Variants in RBFOX1 observed in about 807,000 individuals in gnomAD.
RBFOX1 encodes the protein RNA binding fox-1 homolog 1.
A neutral mutation model predicts 57.7 loss-of-function variants in RBFOX1; 8 were observed. The ratio of observed to expected loss-of-function variants is 0.14; its 90% CI spans 0.08 to 0.25. The LOEUF (loss-of-function observed/expected upper bound fraction) is 0.25. Ranked by LOEUF, RBFOX1 falls within the 10% of genes least tolerant of loss-of-function variation. The pLI is 1.00. For missense variants in RBFOX1, 611 were observed against 548.5 expected (o/e 1.11, Z -1.14); for synonymous variants, 326 against 222.4 (o/e 1.47, Z -4.15).
At chr16:6,848,825 T>A (rs552216863) in intron 3 of RBFOX1, among the ~76,000 whole-genome samples, 2 of 152,260 alleles carry the variant, frequency 1.3e-5, no homozygotes, top group South Asian at 2.1e-4. Context: ...AGCAGGCCAG[T>A]GATTAGTGTC....
At chr16:6,483,194 G>A (rs1597903129) in intron 2 of RBFOX1, 2 of 1,175,182 alleles carry the variant, frequency 1.7e-6, no homozygotes, top group East Asian at 4.7e-5. Context: ...GGCGCGGACA[G>A]AGGCCGAGGC....
intron 4 of RBFOX1, among the ~76,000 whole-genome samples, chr16:7,124,643 C>G (rs1171725793): frequency 6.7e-6 from 1 of 150,042 alleles, no homozygotes; most frequent in African/African-American, 2.5e-5. Context: ...CATGATAGCC[C>G]TCATTTCACA....
chr16:6,659,767 G>A (rs960475004), intron 3 of RBFOX1, among the ~76,000 whole-genome samples: 2 of 152,132 alleles, frequency 1.3e-5, no homozygotes, highest in Non-Finnish European at 2.9e-5. Flanking sequence ...GCCCTTCCGG[G>A]AAGTAGTTGG....
At chr16:5,630,459 A>G (rs1448655119) in intron 3 of RBFOX1, among the ~76,000 whole-genome samples, 1 of 152,016 alleles carries the variant, frequency 6.6e-6, no homozygotes, top group African/African-American at 2.4e-5. Context: ...TCTGTCTCGA[A>G]AAAAAAGAAA....
At chr16:5,931,207 T>C (rs566938709) in intron 4 of RBFOX1, among the ~76,000 whole-genome samples, 1 of 152,254 alleles carries the variant, frequency 6.6e-6, no homozygotes, top group East Asian at 1.9e-4. Flanking sequence ...TCAATCATCC[T>C]ATTGCTCATG....
At chr16:6,989,471 T>C (rs560691912) in intron 3 of RBFOX1, among the ~76,000 whole-genome samples, 3 of 152,206 alleles carry the variant, frequency 2.0e-5, no homozygotes, top group African/African-American at 4.8e-5. Context: ...TAAGTTAATA[T>C]CATCCTCTGT....
chr16:6,416,521 T>A lies in RBFOX1; in HGVS notation c.-64+99464T>A, dbSNP rs1051342133. Among the ~76,000 whole-genome samples, 3 of 152,038 alleles carry A rather than the reference T, an allele frequency of 2.0e-5. 1 individual carries two copies. The highest frequency in any genetic ancestry group is 4.4e-5 in the Non-Finnish European group (3 of 68,018). ...ATTTTTCTTTTTTTACTGAAAGAGA[T>A]TGTATTAATGAGGAAAGAGGAGAAA... is the stretch of plus-strand genomic sequence containing the variant. On this transcript the variant is annotated intron_variant, in intron 2 of 15. Coordinates refer to ENST00000550418, the MANE Select transcript of RBFOX1 (RefSeq NM_018723.4).
intron 2 of RBFOX1, among the ~76,000 whole-genome samples, chr16:6,508,474 A>G (rs909300175): frequency 3.9e-5 from 6 of 152,202 alleles, no homozygotes; most frequent in African/African-American, 4.8e-5. Context: ...TCAAAAAACC[A>G]AAAAGAAAAC....
intron 4 of RBFOX1, among the ~76,000 whole-genome samples, chr16:7,080,059 T>TG (rs1555455774): frequency 7.4e-6 from 1 of 135,244 alleles, no homozygotes. Flanking sequence ...TATATACATA[T>TG]TATATATATA....
At chr16:6,441,958 A>T (rs2094392359) in intron 2 of RBFOX1, among the ~76,000 whole-genome samples, 1 of 152,140 alleles carries the variant, frequency 6.6e-6, no homozygotes, top group Non-Finnish European at 1.5e-5. Flanking sequence ...TCCTAGCAAG[A>T]TATTATGGAA....
At chr16:6,227,966 A>G (rs546789295) in intron 1 of RBFOX1, among the ~76,000 whole-genome samples, 5 of 152,166 alleles carry the variant, frequency 3.3e-5, no homozygotes, top group Non-Finnish European at 7.3e-5. Context: ...TGAAATCAAT[A>G]TATCGGAGAG....
At chr16:6,394,557 C>G (rs1184035845) in intron 2 of RBFOX1, among the ~76,000 whole-genome samples, 6 of 151,358 alleles carry the variant, frequency 4.0e-5, no homozygotes, top group East Asian at 3.9e-4. Flanking sequence ...AAGAAACGAG[C>G]TAGAATAAGA....
chr16:7,695,132 C>G (rs903738724), intron 14 of RBFOX1, among the ~76,000 whole-genome samples: 5 of 152,136 alleles, frequency 3.3e-5, no homozygotes, highest in Admixed American at 2.0e-4. Flanking sequence ...TGCTATTGAT[C>G]ACATTTCAGA....
In RBFOX1 at chr16:6,431,896, G is replaced by GTTTT. The variant is rs1555469937; in HGVS notation, c.-64+114839_-64+114840insTTTT. 4.0e-3 allele frequency among the ~76,000 whole-genome samples: 518 copies of GTTTT among 128,198 alleles called. 2 individuals carry two copies. The highest frequency in any genetic ancestry group is 0.015 in the African/African-American group (493 of 32,188). The allele number at this position is 128,198 out of a possible 152,430, so 84.1% of individuals were successfully genotyped here. On this transcript the variant is annotated intron_variant, in intron 2 of 15. Transcript: ENST00000550418. Reference sequence around the variant, plus strand: ...TGTCCAGAAATATGCTTGCTTGCTTGCTTTCTTTCTTTCTTTCTTTCTTTC... The same window carrying GTTTT: ...TGTCCAGAAATATGCTTGCTTGCTTGTTTTCTTTCTTTCTTTCTTTCTTTCTTTC...
At chr16:7,237,854 A>G (rs929455961) in intron 4 of RBFOX1, among the ~76,000 whole-genome samples, 1 of 152,186 alleles carries the variant, frequency 6.6e-6, no homozygotes, top group Non-Finnish European at 1.5e-5. Context: ...AAATAGAAAA[A>G]TTAGCTGGAC....
intron 3 of RBFOX1, among the ~76,000 whole-genome samples, chr16:5,630,979 G>A (rs2048488445): frequency 6.6e-6 from 1 of 152,196 alleles, no homozygotes; most frequent in African/African-American, 2.4e-5. Flanking sequence ...TTTAAGAAAG[G>A]GAAAGTGGGA....
At chr16:6,691,809 G>A (rs1459575306) in intron 3 of RBFOX1, among the ~76,000 whole-genome samples, 1 of 152,196 alleles carries the variant, frequency 6.6e-6, no homozygotes, top group Non-Finnish European at 1.5e-5. Context: ...TAGGCTCGAT[G>A]TCATCCCAAG....
intron 2 of RBFOX1, among the ~76,000 whole-genome samples, chr16:6,634,059 A>G (rs1001857418): frequency 1.3e-5 from 2 of 150,166 alleles, no homozygotes; most frequent in African/African-American, 4.9e-5. Context: ...TTCTTATTGA[A>G]TAAACCTACA....
intron 4 of RBFOX1, among the ~76,000 whole-genome samples, chr16:7,463,309 G>C (rs977196159): frequency 6.6e-6 from 1 of 152,142 alleles, no homozygotes; most frequent in African/African-American, 2.4e-5. Flanking sequence ...TTCAAGACCA[G>C]CATGGGCAAC....
Sources: gnomAD v4.1 joint callset for allele counts (sites outside exome capture counted in the v4.1 genomes callset) on GRCh38, gnomAD v4.1.1 for gene constraint, MANE v1.5 for transcripts, NCBI Gene and HGNC (gene_info 2026-07-23, HGNC 2026-07-21) for gene names.